The following IMMP2L variants were observed in gnomAD, a reference collection of about 807,000 sequenced individuals.
IMMP2L encodes mitochondrial inner membrane protease subunit 2.
A neutral mutation model predicts 19.3 loss-of-function variants in IMMP2L; 18 were observed. The ratio of observed to expected loss-of-function variants is 0.93; its 90% CI spans 0.64 to 1.38. The LOEUF (loss-of-function observed/expected upper bound fraction) is 1.38, where lower values mean the gene tolerates loss of function less well. Among genes scored for constraint, IMMP2L ranks in the 40% most tolerant of loss-of-function variants. IMMP2L has a pLI of 0.00. For synonymous variants in IMMP2L, 76 were observed against 73.0 expected, an observed-to-expected ratio of 1.04 and a Z score of -0.21; for missense variants, 233 against 218.2, an observed-to-expected ratio of 1.07 and a Z score of -0.43.
intron 3 of IMMP2L, among the ~76,000 whole-genome samples, chr7:111,093,789 G>A (rs1274543943): frequency 6.6e-6 from 1 of 152,110 alleles, no homozygotes; most frequent in Non-Finnish European, 1.5e-5. Context: ...GTGTATGACT[G>A]GAAGATTTAC....
At chr7:111,087,648 A>G (rs866000417) in intron 3 of IMMP2L, among the ~76,000 whole-genome samples, 1 of 152,128 alleles carries the variant, frequency 6.6e-6, no homozygotes, top group South Asian at 2.1e-4. Flanking sequence ...AAAACTTAAC[A>G]AGACATATAC....
At chr7:110,773,346 C>G (rs1278496127) in intron 5 of IMMP2L, among the ~76,000 whole-genome samples, 1 of 152,146 alleles carries the variant, frequency 6.6e-6, no homozygotes, top group Non-Finnish European at 1.5e-5. Flanking sequence ...GGCTGAGACA[C>G]AGCCACAAAA....
intron 5 of IMMP2L, among the ~76,000 whole-genome samples, chr7:110,837,388 A>T (rs1003796599): frequency 2.6e-5 from 4 of 151,978 alleles, no homozygotes. Flanking sequence ...AGAGAAAGAG[A>T]CAGAAAGGGA....
intron 3 of IMMP2L, among the ~76,000 whole-genome samples, chr7:111,042,997 G>A (rs1271776978): frequency 1.3e-5 from 2 of 152,116 alleles, no homozygotes; most frequent in African/African-American, 4.8e-5. Flanking sequence ...AAAAGTGGAT[G>A]GGGCAAAAGA....
intron 3 of IMMP2L, among the ~76,000 whole-genome samples, chr7:111,062,495 A>G (rs905470794): frequency 2.6e-5 from 4 of 152,230 alleles, no homozygotes; most frequent in South Asian, 4.1e-4. Flanking sequence ...ATGTCTTCAC[A>G]TTTCAAAACC....
At chr7:110,865,271 C>G (rs1043606839) in intron 5 of IMMP2L, among the ~76,000 whole-genome samples, 41 of 151,976 alleles carry the variant, frequency 2.7e-4, no homozygotes, top group Non-Finnish European at 4.9e-4. Context: ...CTGACAAACA[C>G]TAAATTTTAA....
At chr7:111,545,399 C>T (rs912853691) in intron 1 of IMMP2L, among the ~76,000 whole-genome samples, 1 of 152,014 alleles carries the variant, frequency 6.6e-6, no homozygotes, top group Non-Finnish European at 1.5e-5. Context: ...TAGAGATGTT[C>T]GGAGTTTTTT....
chr7:111,333,540 G>A (rs1017167335), intron 3 of IMMP2L, among the ~76,000 whole-genome samples: 1 of 151,998 alleles, frequency 6.6e-6, no homozygotes, highest in African/African-American at 2.4e-5. Flanking sequence ...ATATTGAGTG[G>A]ATTGTAATAT....
chr7:111,109,186 A>G (rs1234854304), intron 3 of IMMP2L, among the ~76,000 whole-genome samples: 1 of 152,178 alleles, frequency 6.6e-6, no homozygotes, highest in African/African-American at 2.4e-5. Context: ...AGAATGTGTA[A>G]AACATTTTCA....
intron 3 of IMMP2L, among the ~76,000 whole-genome samples, chr7:111,137,757 T>C (rs931560507): frequency 6.6e-6 from 1 of 152,190 alleles, no homozygotes; most frequent in Non-Finnish European, 1.5e-5. Flanking sequence ...TTAATATGAA[T>C]GATTTAAGAA....
chr7:111,439,291 G>A (rs1465939147), intron 3 of IMMP2L, among the ~76,000 whole-genome samples: 3 of 151,708 alleles, frequency 2.0e-5, no homozygotes, highest in African/African-American at 7.3e-5. Flanking sequence ...CCAGTCTCAA[G>A]CTTCCCCTCC....
chr7:111,346,457 T>C (rs780108383), intron 3 of IMMP2L, among the ~76,000 whole-genome samples: 16 of 152,138 alleles, frequency 1.1e-4, no homozygotes, highest in Non-Finnish European at 1.8e-4. Flanking sequence ...ATCTATGCAA[T>C]CAACATACCA....
At chr7:110,801,956 C>T (rs1406421593) in intron 5 of IMMP2L, among the ~76,000 whole-genome samples, 2 of 152,076 alleles carry the variant, frequency 1.3e-5, no homozygotes, top group Non-Finnish European at 2.9e-5. Flanking sequence ...TCCTATTTAA[C>T]AGAGATATCT....
intron 3 of IMMP2L, among the ~76,000 whole-genome samples, chr7:111,379,869 A>G (rs1469784317): frequency 6.6e-6 from 1 of 151,908 alleles, no homozygotes; most frequent in Non-Finnish European, 1.5e-5. Flanking sequence ...ATTTTCTAAC[A>G]TTAATAACAG....
chr7:110,998,737 A>T (rs1456260282), intron 3 of IMMP2L, among the ~76,000 whole-genome samples: 1 of 152,184 alleles, frequency 6.6e-6, no homozygotes, highest in Non-Finnish European at 1.5e-5. Flanking sequence ...AAGTGATAGG[A>T]AATAAATGAT....
intron 3 of IMMP2L, among the ~76,000 whole-genome samples, chr7:111,396,182 T>G (rs1832845685): frequency 6.6e-6 from 1 of 152,268 alleles, no homozygotes; most frequent in East Asian, 1.9e-4. Flanking sequence ...CACATGGATA[T>G]GTATGTTTAT....
intron 3 of IMMP2L, among the ~76,000 whole-genome samples, chr7:111,107,561 T>C (rs1412311886): frequency 2.0e-5 from 3 of 152,104 alleles, no homozygotes. Context: ...AAAGATTCTG[T>C]GCATGTATAA....
At chr7:110,782,265 G>C (rs1405734562) in intron 5 of IMMP2L, among the ~76,000 whole-genome samples, 1 of 151,832 alleles carries the variant, frequency 6.6e-6, no homozygotes, top group African/African-American at 2.4e-5. Flanking sequence ...CCAATCCTCA[G>C]AAAGACTATC....
intron 3 of IMMP2L, among the ~76,000 whole-genome samples, chr7:111,044,729 A>G (rs1792224095): frequency 6.6e-6 from 1 of 152,222 alleles, no homozygotes; most frequent in South Asian, 2.1e-4. Context: ...TGACCAATGG[A>G]AAGAAACAAA....
Sources: allele counts gnomAD v4.1 joint callset (sites outside exome capture counted in the v4.1 genomes callset), GRCh38; gene constraint gnomAD v4.1.1; transcripts MANE v1.5; gene names NCBI Gene and HGNC (gene_info 2026-07-23, HGNC 2026-07-21).